PACRG: variants seen among roughly 807,000 people sequenced by gnomAD.
PACRG encodes parkin coregulated gene protein.
In PACRG, 29 loss-of-function variants were observed where a neutral mutation model predicts 29.7. The ratio of observed to expected loss-of-function variants is 0.98; its 90% CI spans 0.73 to 1.33. The LOEUF (loss-of-function observed/expected upper bound fraction) is 1.33. PACRG is among the 40% of genes most tolerant of loss of function. The probability of loss-of-function intolerance (pLI) is 0.00; values close to 1 mark genes in which losing one functional copy is unlikely to be tolerated. For missense variants in PACRG, 279 were observed against 316.2 expected (o/e 0.88, Z 0.89); for synonymous variants, 116 against 118.7 (o/e 0.98, Z 0.15).
Position 162,854,776 on chromosome 6 carries a change from A to C in PACRG, c.291+40495A>C, listed in dbSNP as rs577056517. On this transcript the variant is annotated intron_variant, in intron 2 of 4. Transcript: ENST00000366888. ...ATGAATTGTGTTTGATTCTGACTTCACCTAAATGAGCCTGATGACACGTGT... is the reference window on the plus strand; with the variant it reads ...ATGAATTGTGTTTGATTCTGACTTCCCCTAAATGAGCCTGATGACACGTGT... Among the ~76,000 whole-genome samples the C allele has an allele frequency of 2.0e-4, 31 of 152,194 alleles. 1 individual carries two copies. In the South Asian group the frequency reaches 5.2e-3, roughly 25 times the overall value.
chr6:163,190,917 G>A (rs544889715), intron 4 of PACRG: 11 of 456,084 alleles, frequency 2.4e-5, no homozygotes, highest in East Asian at 2.1e-4. Flanking sequence ...CCCAGTGCCC[G>A]TGTGCAGCAT....
At chr6:163,015,753 C>G (rs1389895354) in intron 2 of PACRG, among the ~76,000 whole-genome samples, 1 of 152,070 alleles carries the variant, frequency 6.6e-6, no homozygotes, top group Non-Finnish European at 1.5e-5. Context: ...TTGGTGGTGT[C>G]TTTAGGGCTT....
rs568378527 is a variant in PACRG, at chr6:163,151,209, A to G, written c.613+61801A>G. On this transcript the variant is annotated intron_variant, in intron 4 of 4. Coordinates refer to ENST00000366888, the MANE Select transcript of PACRG (RefSeq NM_001080379.2). ...AGTGGAGCTGAAATCTCACCATTGT[A>G]CTCCACTAGAATGAAACCTTTGTTG... is the stretch of plus-strand genomic sequence containing the variant. Among the ~76,000 whole-genome samples the G allele has an allele frequency of 6.6e-5, 10 of 152,198 alleles. No homozygotes were observed. The East Asian group carries it at 1.9e-3, about 29-fold the overall frequency.
intron 2 of PACRG, among the ~76,000 whole-genome samples, chr6:162,983,634 C>T (rs1802622724): frequency 1.3e-5 from 2 of 152,010 alleles, no homozygotes; most frequent in African/African-American, 2.4e-5. Flanking sequence ...AAAGATAGGA[C>T]CCCAATCCCT....
At chr6:163,183,050 G>C (rs369788491) in intron 4 of PACRG, 1 of 152,256 alleles carries the variant, frequency 6.6e-6, no homozygotes, top group African/African-American at 2.4e-5. Context: ...GGTTGCATGA[G>C]CAACAAATAT....
chr6:162,792,686 C>A (rs1010696497), intron 1 of PACRG, among the ~76,000 whole-genome samples: 1 of 152,112 alleles, frequency 6.6e-6, no homozygotes, highest in African/African-American at 2.4e-5. Flanking sequence ...AGACAGCATC[C>A]TTAGGGAAAA....
rs906631355 is a variant in PACRG at position 163,174,393 on chromosome 6, C to A, written c.613+84985C>A. Among the ~76,000 whole-genome samples, 3 of 152,326 alleles carry A rather than the reference C, an allele frequency of 2.0e-5. No homozygotes were observed. In the East Asian group the frequency reaches 5.8e-4, roughly 29 times the overall value. ...TGGGCATAGAAGAGAGAAGTGGGAA[C>A]TTCTGAATATGACCCAAAACTTCAG... On this transcript the variant is annotated intron_variant, in intron 4 of 4. Transcript: ENST00000366888.
intron 1 of PACRG, among the ~76,000 whole-genome samples, chr6:162,795,511 C>T (rs746803566): frequency 5.9e-5 from 9 of 152,052 alleles, no homozygotes; most frequent in Non-Finnish European, 1.3e-4. Context: ...ATCCCTGCTC[C>T]AGTGACCTTA....
chr6:162,863,242 C>T (rs1397326714), intron 2 of PACRG, among the ~76,000 whole-genome samples: 27 of 152,210 alleles, frequency 1.8e-4, no homozygotes, highest in Admixed American at 1.4e-3. Context: ...CAAGTTACTA[C>T]GTGAATAAAC....
intron 4 of PACRG, among the ~76,000 whole-genome samples, chr6:163,121,249 A>G (rs927058782): frequency 2.0e-5 from 3 of 152,222 alleles, no homozygotes; most frequent in Non-Finnish European, 4.4e-5. Flanking sequence ...ATAAACCATA[A>G]AGCATTATAC....
chr6:163,254,016 C>T lies in PACRG; in HGVS notation c.614-60811C>T, dbSNP rs116830545. ...CAAGGGAGGATCCAGGAGAAAGGGA[C>T]GGGTGTAGAGCACAGGGCAGAAGCG... On this transcript the variant is annotated intron_variant, in intron 4 of 4. Coordinates refer to ENST00000366888, the MANE Select transcript of PACRG (RefSeq NM_001080379.2). Among the ~76,000 whole-genome samples the T allele has an allele frequency of 4.2e-3, 641 of 152,256 alleles. 3 individuals carry two copies. Among genetic ancestry groups the T allele is most frequent in the African/African-American group, 0.014 (580 of 41,536 alleles).
chr6:162,745,440 G>A (rs1215653924), intron 1 of PACRG, among the ~76,000 whole-genome samples: 1 of 152,024 alleles, frequency 6.6e-6, no homozygotes, highest in Non-Finnish European at 1.5e-5. Flanking sequence ...TGCATACGGG[G>A]CTTAAAATCT....
intron 1 of PACRG, among the ~76,000 whole-genome samples, chr6:162,805,642 TCTC>T (rs1286900991): frequency 1.3e-5 from 2 of 152,246 alleles, no homozygotes; most frequent in Non-Finnish European, 2.9e-5. Context: ...GAGTCAATCT[TCTC>T]AAATTGTGCC....
intron 4 of PACRG, among the ~76,000 whole-genome samples, chr6:163,104,890 T>A (rs1407090576): frequency 6.6e-6 from 1 of 152,222 alleles, no homozygotes; most frequent in Non-Finnish European, 1.5e-5. Context: ...TAAACACGGT[T>A]GTATATTATA....
intron 2 of PACRG, among the ~76,000 whole-genome samples, chr6:162,966,595 G>C (rs972315478): frequency 4.0e-5 from 6 of 151,116 alleles, no homozygotes; most frequent in Non-Finnish European, 8.8e-5. Context: ...TCCTGCCTCA[G>C]TCTCATGAGC....
intron 4 of PACRG, among the ~76,000 whole-genome samples, chr6:163,152,330 A>C (rs1778127198): frequency 6.6e-6 from 1 of 152,194 alleles, no homozygotes; most frequent in African/African-American, 2.4e-5. Context: ...AAAATGCACA[A>C]ACTTCTCTCG....
At chr6:163,256,431 A>G (rs1269573702) in intron 4 of PACRG, among the ~76,000 whole-genome samples, 1 of 152,260 alleles carries the variant, frequency 6.6e-6, no homozygotes, top group Non-Finnish European at 1.5e-5. Context: ...ACTATCATCT[A>G]TCACATGGTG....
chr6:162,744,062 G>A (rs1040764955), intron 1 of PACRG, among the ~76,000 whole-genome samples: 2 of 151,866 alleles, frequency 1.3e-5, no homozygotes, highest in African/African-American at 4.8e-5. Context: ...CTATTGGTTG[G>A]GGCTTTCTGA....
At chr6:163,119,129 G>A (rs1816148914) in intron 4 of PACRG, among the ~76,000 whole-genome samples, 1 of 152,218 alleles carries the variant, frequency 6.6e-6, no homozygotes, top group Non-Finnish European at 1.5e-5. Context: ...AGGGCCATCT[G>A]CTGTGCTCTC....
Sources: allele counts gnomAD v4.1 joint callset (sites outside exome capture counted in the v4.1 genomes callset), GRCh38; gene constraint gnomAD v4.1.1; transcripts MANE v1.5; gene names NCBI Gene and HGNC (gene_info 2026-07-23, HGNC 2026-07-21).